MLIP: variants seen among roughly 807,000 people sequenced by gnomAD.
MLIP encodes the protein muscular LMNA interacting protein, also known as muscular LMNA-interacting protein.
Under a neutral mutation model 84.8 loss-of-function variants are expected in MLIP, and 79 were observed. That is an observed-to-expected ratio of 0.93 (90% CI 0.78 to 1.12). MLIP has a LOEUF of 1.12. Ranked by LOEUF, MLIP falls within the 50% of genes most tolerant of loss-of-function variation. The pLI is 0.00. For synonymous variants in MLIP, 504 were observed against 463.0 expected, an observed-to-expected ratio of 1.09 and a Z score of -1.14; for missense variants, 1,257 against 1,160.6, an observed-to-expected ratio of 1.08 and a Z score of -1.21.
chr6:54,145,677 G>A (rs1333187920), intron 4 of MLIP, among the ~76,000 whole-genome samples: 1 of 152,058 alleles, frequency 6.6e-6, no homozygotes, highest in Non-Finnish European at 1.5e-5. Flanking sequence ...TCTGGAGGCT[G>A]AGGTGGAAGA....
chr6:54,053,349 C>T (rs549275023), intron 1 of MLIP, among the ~76,000 whole-genome samples: 9 of 152,274 alleles, frequency 5.9e-5, no homozygotes, highest in Admixed American at 5.2e-4. Flanking sequence ...ATTTTTCTAC[C>T]TTTAAACTTC....
chr6:54,087,723 T>A (rs553394293), intron 1 of MLIP, among the ~76,000 whole-genome samples: 1 of 152,254 alleles, frequency 6.6e-6, no homozygotes, highest in South Asian at 2.1e-4. Flanking sequence ...TAAAATAAAG[T>A]AGATTTTGCT....
At chr6:54,065,093 T>G (rs1448744401) in intron 1 of MLIP, among the ~76,000 whole-genome samples, 1 of 100,114 alleles carries the variant, frequency 1.0e-5, no homozygotes, top group African/African-American at 2.6e-5. Flanking sequence ...TTTAGATTTT[T>G]GGTCTAAATC....
chr6:54,098,809 G>A (rs1768417815), intron 1 of MLIP, among the ~76,000 whole-genome samples: 1 of 152,062 alleles, frequency 6.6e-6, no homozygotes, highest in African/African-American at 2.4e-5. Context: ...CTGTTCCAAA[G>A]GCGTATGTAA....
At chr6:54,169,859 C>T (rs1775594238) in intron 9 of MLIP, among the ~76,000 whole-genome samples, 1 of 151,656 alleles carries the variant, frequency 6.6e-6, no homozygotes, top group Admixed American at 6.6e-5. Flanking sequence ...ACTTAGATGA[C>T]ATTTTCATTT....
chr6:54,135,250 TG>T (rs1771701381), intron 3 of MLIP, among the ~76,000 whole-genome samples: 1 of 152,110 alleles, frequency 6.6e-6, no homozygotes, highest in Non-Finnish European at 1.5e-5. Flanking sequence ...TTCTTCCATT[TG>T]ATTCAATTCT....
chr6:54,138,429 T>A, intron 4 of MLIP, 143 bp downstream of exon 4: 1 of 868,478 alleles, frequency 1.2e-6, no homozygotes, highest in South Asian at 1.9e-5. Flanking sequence ...GTACCAGGAC[T>A]TGGTATATTT....
At chr6:54,096,561 A>C (rs1185792303) in intron 1 of MLIP, among the ~76,000 whole-genome samples, 1 of 152,058 alleles carries the variant, frequency 6.6e-6, no homozygotes, top group East Asian at 1.9e-4. Context: ...CTTTGGCTGG[A>C]TATGGGAAGC....
At chr6:54,050,876 C>T (rs1471539156) in intron 1 of MLIP, among the ~76,000 whole-genome samples, 19 of 152,216 alleles carry the variant, frequency 1.2e-4, no homozygotes, top group South Asian at 8.3e-4. Flanking sequence ...TATTTTTATA[C>T]GCTTATCTTT....
rs559212608 is a variant in MLIP, at chr6:54,034,875, G to A, written c.63+15784G>A. On this transcript the variant is annotated intron_variant, in intron 1 of 12. Coordinates refer to the MLIP transcript ENST00000274897. ...ACCCACCCAGAGCAACTTCCAGTCC[G>A]GTAAGCTCTATTCATGGTAAATGCC... Among the ~76,000 whole-genome samples, 4 of 152,018 alleles carry A rather than the reference G, an allele frequency of 2.6e-5. No homozygotes were observed. In the South Asian group the frequency reaches 6.2e-4, roughly 24 times the overall value.
intron 1 of MLIP, among the ~76,000 whole-genome samples, chr6:54,063,756 G>GT (rs1766112557): frequency 2.0e-5 from 3 of 149,924 alleles, no homozygotes; most frequent in South Asian, 2.1e-4. Context: ...GTGTGTGTGT[G>GT]GTGCCTTTCT....
intron 11 of MLIP, among the ~76,000 whole-genome samples, chr6:54,228,287 G>T (rs1302340093): frequency 1.3e-5 from 2 of 150,314 alleles, no homozygotes; most frequent in Non-Finnish European, 3.0e-5. Context: ...TTATGCTAAA[G>T]AGAATCACAG....
At chr6:54,251,853 T>C (rs1202099911) in intron 12 of MLIP, among the ~76,000 whole-genome samples, 1 of 77,720 alleles carries the variant, frequency 1.3e-5, no homozygotes, top group Admixed American at 2.3e-4. Context: ...ATATAATATA[T>C]AATATAAATA....
rs545930728 is a variant in MLIP at position 54,252,069 on chromosome 6, A to G, written c.2923-5239A>G. On this transcript the variant is annotated intron_variant, in intron 12 of 13. Transcript: ENST00000502396. Reference sequence around the variant, plus strand: ...ATATAATATAAATATATATATTATAACATATAATATATAATATAAATATAT... The same window carrying G: ...ATATAATATAAATATATATATTATAGCATATAATATATAATATAAATATAT... 6.1e-3 allele frequency among the ~76,000 whole-genome samples: 581 copies of G among 95,964 alleles called. 15 individuals carry two copies. The highest frequency in any genetic ancestry group is 0.025 in the African/African-American group (545 of 22,024). The allele number at this position is 95,964 out of a possible 152,430, so 63.0% of individuals were successfully genotyped here. A position where few individuals can be genotyped will look rare whatever the true frequency, so the allele number is the denominator to read the frequency against.
intron 1 of MLIP, among the ~76,000 whole-genome samples, chr6:54,059,940 GA>G: frequency 6.6e-6 from 1 of 152,230 alleles, no homozygotes; most frequent in African/African-American, 2.4e-5. Context: ...TTGATTGACT[GA>G]AAATGAGATC....
intron 4 of MLIP, among the ~76,000 whole-genome samples, chr6:54,146,211 T>A (rs565727325): frequency 3.3e-5 from 5 of 152,290 alleles, no homozygotes; most frequent in Admixed American, 3.3e-4. Context: ...AATTCCAACC[T>A]CCTTTCTTGC....
chr6:54,164,713 T>C (rs1433928167), intron 8 of MLIP, among the ~76,000 whole-genome samples: 1 of 152,004 alleles, frequency 6.6e-6, no homozygotes, highest in Non-Finnish European at 1.5e-5. Flanking sequence ...AATGTAATTA[T>C]ATAGTCTGTA....
At chr6:54,108,679 T>C (rs950350678), upstream of MLIP, among the ~76,000 whole-genome samples, 3 of 151,930 alleles carry the variant, frequency 2.0e-5, no homozygotes, top group African/African-American at 4.8e-5. Context: ...CAGAGAAAAA[T>C]GTCAAAATAA....
chr6:54,255,175 T>C (rs573938887), intron 12 of MLIP, among the ~76,000 whole-genome samples: 9 of 152,294 alleles, frequency 5.9e-5, no homozygotes, highest in African/African-American at 2.2e-4. Flanking sequence ...TTTTCCTGCA[T>C]AACTTCCCAT....
Sources: gnomAD v4.1 joint callset for allele counts (sites outside exome capture counted in the v4.1 genomes callset) on GRCh38, gnomAD v4.1.1 for gene constraint, MANE v1.5 for transcripts, NCBI Gene and HGNC (gene_info 2026-07-23, HGNC 2026-07-21) for gene names.